The following EPHX1 variants were observed in gnomAD, a reference collection of about 807,000 sequenced individuals.
The protein encoded by EPHX1 is epoxide hydrolase 1, also known as epoxide hydratase.
EPHX1 carries 40 observed loss-of-function variants against 43.2 expected under a neutral mutation model. That is an observed-to-expected ratio of 0.93 (90% CI 0.72 to 1.21). The LOEUF (loss-of-function observed/expected upper bound fraction) is 1.21. Among genes scored for constraint, EPHX1 ranks in the 50% most tolerant of loss-of-function variants. The probability of loss-of-function intolerance (pLI) is 0.00; values close to 1 mark genes in which losing one functional copy is unlikely to be tolerated. For missense variants in EPHX1, 550 were observed against 570.4 expected, an observed-to-expected ratio of 0.96 and a Z score of 0.36; for synonymous variants, 221 against 226.7, an observed-to-expected ratio of 0.98 and a Z score of 0.22.
intron 1 of EPHX1, among the ~76,000 whole-genome samples, chr1:225,823,722 C>T (rs534166518): frequency 7.9e-5 from 12 of 152,280 alleles, no homozygotes; most frequent in Non-Finnish European, 8.8e-5. Context: ...CACCCCCTCC[C>T]CAGCCCACCC....
chr1:225,837,645 G>A (rs1285388832), intron 3 of EPHX1, among the ~76,000 whole-genome samples: 2 of 152,096 alleles, frequency 1.3e-5, no homozygotes, highest in African/African-American at 4.8e-5. Flanking sequence ...AGCCTCCCGA[G>A]TAGCTGGAAT....
Position 225,838,812 on chromosome 1 carries a change from G to A in EPHX1, c.523G>A (p.Glu175Lys), listed in dbSNP as rs151050888. ...CCCCAAGAACCATGGCCTGAGCGAT[G>A]AGCACGTTTTTGAAGTCATCTGCCC... is the stretch of plus-strand genomic sequence containing the variant. Reference protein sequence around the residue: ...TDPKNHGLSDEHVFEVICPSI... With the variant: ...TDPKNHGLSDKHVFEVICPSI... Residue 175 changes from glutamate to lysine, a missense_variant, in exon 4 of 9, where the codon GAG (glutamate) becomes AAG (lysine). Glu to Lys is a moderately conservative substitution (Grantham distance 56). Transcript: ENST00000272167. 8.2e-5 allele frequency: 133 copies of A among 1,614,202 alleles called. No homozygotes were observed. In the African/African-American group the frequency reaches 1.5e-3, roughly 18 times the overall value.
In EPHX1 at chr1:225,819,333, C is replaced by T. The variant is rs755651354; in HGVS notation, c.-6+9164C>T. Among the ~76,000 whole-genome samples the T allele has an allele frequency of 4.2e-4, 63 of 151,222 alleles. 1 individual carries two copies. Among genetic ancestry groups the T allele is most frequent in the South Asian group, 1.0e-3 (5 of 4,788 alleles). On this transcript the variant is annotated intron_variant, in intron 1 of 8. Coordinates refer to ENST00000272167, the MANE Select transcript of EPHX1 (RefSeq NM_001136018.4). Reference sequence around the variant, plus strand: ...GGCAGGAGACTTGCTTGAACCAGGGCGGAGGTTGCAGTGAGCCGAGATCGT... The same window carrying T: ...GGCAGGAGACTTGCTTGAACCAGGGTGGAGGTTGCAGTGAGCCGAGATCGT...
At chr1:225,822,748 G>T (rs983860278) in intron 1 of EPHX1, among the ~76,000 whole-genome samples, 1 of 152,138 alleles carries the variant, frequency 6.6e-6, no homozygotes, top group Non-Finnish European at 1.5e-5. Flanking sequence ...TTACCCCAGG[G>T]ACATATCTTG....
intron 3 of EPHX1, among the ~76,000 whole-genome samples, chr1:225,836,971 A>G (rs1425532782): frequency 1.3e-5 from 2 of 152,332 alleles, no homozygotes; most frequent in East Asian, 3.9e-4. Context: ...TAAGGAAATC[A>G]ATGGACTTTA....
chr1:225,834,038 C>T (rs1280245048), intron 3 of EPHX1, among the ~76,000 whole-genome samples: 1 of 136,182 alleles, frequency 7.3e-6, no homozygotes, highest in Non-Finnish European at 1.5e-5. Context: ...GCGGAGCTTG[C>T]AGTGAGCCCA....
intron 6 of EPHX1, among the ~76,000 whole-genome samples, chr1:225,840,671 C>T (rs1438616798): frequency 2.6e-5 from 4 of 152,158 alleles, no homozygotes; most frequent in Admixed American, 6.5e-5. Flanking sequence ...AAGAGTCATT[C>T]GCATTACCCT....
At chr1:225,815,542 G>A (rs1038355487) in intron 1 of EPHX1, among the ~76,000 whole-genome samples, 4 of 151,564 alleles carry the variant, frequency 2.6e-5, no homozygotes, top group South Asian at 2.1e-4. Context: ...CGTGAGCCAC[G>A]GCACCCGGTC....
At chr1:225,812,852 T>C (rs1666550474) in intron 1 of EPHX1, among the ~76,000 whole-genome samples, 1 of 152,144 alleles carries the variant, frequency 6.6e-6, no homozygotes. Flanking sequence ...CAGATAGTGA[T>C]TCGAGGGGTG....
intron 7 of EPHX1, 39 bp from the exon 8 acceptor site, chr1:225,844,459 G>A (rs370776729): frequency 4.2e-5 from 67 of 1,613,832 alleles, no homozygotes; most frequent in Non-Finnish European, 3.4e-6. Context: ...ACAACTGCAT[G>A]TGGCACTGAG....
intron 2 of EPHX1, among the ~76,000 whole-genome samples, chr1:225,829,832 T>C (rs1559020279): frequency 6.6e-6 from 1 of 152,136 alleles, no homozygotes; most frequent in East Asian, 1.9e-4. Context: ...CCCAGCACTT[T>C]AGGAGGCTGA....
intron 7 of EPHX1, 138 bp from the exon 8 acceptor site, chr1:225,844,360 G>A: frequency 7.4e-7 from 1 of 1,344,072 alleles, no homozygotes; most frequent in Non-Finnish European, 1.1e-6. Flanking sequence ...GTGACACGAG[G>A]ATACCACACA....
chr1:225,844,238 G>GA (rs1189914118), intron 7 of EPHX1, among the ~76,000 whole-genome samples: 1 of 152,094 alleles, frequency 6.6e-6, no homozygotes, highest in Non-Finnish European at 1.5e-5. Context: ...TGGCAGGAGA[G>GA]AGGGGACAGG....
chr1:225,822,225 AG>A (rs1458654072), intron 1 of EPHX1, among the ~76,000 whole-genome samples: 8 of 152,174 alleles, frequency 5.3e-5, no homozygotes, highest in Non-Finnish European at 1.2e-4. Flanking sequence ...ACTATCTTCC[AG>A]TCACGTTTTT....
chr1:225,825,340 G>C (rs3738040), intron 1 of EPHX1: 2 of 152,318 alleles, frequency 1.3e-5, no homozygotes, highest in East Asian at 1.9e-4. Context: ...CCTGCAGCCT[G>C]CCCTGCCTCT....
At chr1:225,821,212 AT>A (rs1400820744) in intron 1 of EPHX1, among the ~76,000 whole-genome samples, 1 of 152,148 alleles carries the variant, frequency 6.6e-6, no homozygotes, top group East Asian at 1.9e-4. Flanking sequence ...AGTGTAACAA[AT>A]ATTAAGTTCC....
intron 3 of EPHX1, among the ~76,000 whole-genome samples, chr1:225,832,454 G>A (rs762196709): frequency 2.0e-5 from 3 of 152,232 alleles, no homozygotes; most frequent in Non-Finnish European, 2.9e-5. Context: ...AGAATTGCTT[G>A]AAGCCAGGAG....
At chr1:225,814,137 C>T (rs1666612703) in intron 1 of EPHX1, among the ~76,000 whole-genome samples, 1 of 152,192 alleles carries the variant, frequency 6.6e-6, no homozygotes, top group African/African-American at 2.4e-5. Flanking sequence ...CAAGATGGCG[C>T]ACACCTGTAA....
At chr1:225,844,672 G>C in intron 8 of EPHX1, 49 bp downstream of exon 8, 2 of 1,610,048 alleles carry the variant, frequency 1.2e-6, no homozygotes, top group Non-Finnish European at 1.7e-6. Flanking sequence ...TGGAGGCAGG[G>C]GGACGGCCAG....
Sources: gnomAD v4.1 joint callset for allele counts (sites outside exome capture counted in the v4.1 genomes callset) on GRCh38, gnomAD v4.1.1 for gene constraint, MANE v1.5 for transcripts, NCBI Gene and HGNC (gene_info 2026-07-23, HGNC 2026-07-21) for gene names.